Variants in GPR39 observed in about 807,000 individuals in gnomAD.
GPR39 encodes the protein G protein-coupled receptor 39.
In GPR39, 23 loss-of-function variants were observed where a neutral mutation model predicts 18.4. The ratio of observed to expected loss-of-function variants is 1.25; its 90% CI spans 0.90 to 1.77. The LOEUF is 1.77. GPR39 is among the 40% of genes most tolerant of loss of function. The pLI, the probability that GPR39 is intolerant of heterozygous loss-of-function variation, is 0.00. For synonymous variants in GPR39, 280 were observed against 257.9 expected, an observed-to-expected ratio of 1.09 and a Z score of -0.82; for missense variants, 647 against 602.4, an observed-to-expected ratio of 1.07 and a Z score of -0.78.
intron 1 of GPR39, among the ~76,000 whole-genome samples, chr2:132,502,503 C>A (rs1679062796): frequency 6.6e-6 from 1 of 152,092 alleles, no homozygotes; most frequent in African/African-American, 2.4e-5. Flanking sequence ...TCTTAAGATT[C>A]TTTTTCTTGT....
chr2:132,487,020 T>G (rs1419727159), intron 1 of GPR39, among the ~76,000 whole-genome samples: 2 of 152,178 alleles, frequency 1.3e-5, no homozygotes. Flanking sequence ...TAGAGGTCAT[T>G]GTAGCATTAT....
chr2:132,610,684 G>A (rs934463530), intron 1 of GPR39, among the ~76,000 whole-genome samples: 10 of 149,760 alleles, frequency 6.7e-5, no homozygotes, highest in African/African-American at 2.2e-4. Flanking sequence ...GGCTGAGGAA[G>A]GAGAATCACT....
intron 1 of GPR39, among the ~76,000 whole-genome samples, chr2:132,497,424 G>A (rs1466117245): frequency 6.6e-6 from 1 of 152,098 alleles, no homozygotes; most frequent in Non-Finnish European, 1.5e-5. Context: ...GAAAAGGTAT[G>A]GGTAACTGGA....
chr2:132,504,780 A>T (rs1679104450), intron 1 of GPR39, among the ~76,000 whole-genome samples: 1 of 148,330 alleles, frequency 6.7e-6, no homozygotes, highest in Non-Finnish European at 1.5e-5. Context: ...AGTATAATTT[A>T]AAAATATATA....
At chr2:132,633,008 A>T (rs1681678682) in intron 1 of GPR39, among the ~76,000 whole-genome samples, 3 of 152,158 alleles carry the variant, frequency 2.0e-5, no homozygotes, top group Admixed American at 6.5e-5. Context: ...TCCAAATCCT[A>T]GTCCTCACCT....
chr2:132,519,101 C>T (rs1679380821), intron 1 of GPR39, among the ~76,000 whole-genome samples: 1 of 152,208 alleles, frequency 6.6e-6, no homozygotes, highest in South Asian at 2.1e-4. Flanking sequence ...GAAGATACTA[C>T]ATTTTCATCT....
intron 1 of GPR39, among the ~76,000 whole-genome samples, chr2:132,431,384 T>G (rs1415736053): frequency 6.6e-6 from 1 of 152,264 alleles, no homozygotes; most frequent in African/African-American, 2.4e-5. Context: ...ACATATGAGT[T>G]GCATTCATTG....
Position 132,417,412 on chromosome 2 carries a change from C to T in GPR39, c.370C>T (p.Leu124=), listed in dbSNP as rs1421921726. ...CGAGGCCTGCAGCTACGCTACGCTG[C>T]TGCACGTGCTGACACTCAGCTTTGA... ...LFEACSYATL[L]HVLTLSFERY... Residue 124 remains leucine (L), a synonymous_variant, in exon 1 of 2, where the codon CTG becomes TTG. Transcript: ENST00000329321. 1 of 1,614,208 alleles carries T rather than the reference C, an allele frequency of 6.2e-7. No homozygotes were observed. The highest frequency in any genetic ancestry group is 8.5e-7 in the Non-Finnish European group (1 of 1,180,032).
intron 1 of GPR39, among the ~76,000 whole-genome samples, chr2:132,445,560 G>T (rs1302342302): frequency 6.6e-6 from 1 of 152,166 alleles, no homozygotes; most frequent in Non-Finnish European, 1.5e-5. Flanking sequence ...TGTAATTGAT[G>T]TATATAGGAC....
chr2:132,553,817 CA>C lies in GPR39; in HGVS notation c.857-91283del, dbSNP rs955125324. Among the ~76,000 whole-genome samples the C allele has an allele frequency of 6.3e-4, 96 of 152,250 alleles. 1 individual carries two copies. The highest frequency in any genetic ancestry group is 5.8e-3 in the Admixed American group (89 of 15,294). ...AGAAGGCCTCTCTGAAACCCACAAG[CA>C]GATTCTTGACCCAGTGAGCATGAGT... On this transcript the variant is annotated intron_variant, in intron 1 of 1. Transcript: ENST00000329321.
chr2:132,519,623 A>G (rs778361036), intron 1 of GPR39, among the ~76,000 whole-genome samples: 15 of 152,280 alleles, frequency 9.9e-5, no homozygotes, highest in Non-Finnish European at 1.8e-4. Flanking sequence ...AGACCCTTAT[A>G]CACTAATGAA....
At chr2:132,626,082 A>T (rs1681539715) in intron 1 of GPR39, among the ~76,000 whole-genome samples, 1 of 150,992 alleles carries the variant, frequency 6.6e-6, no homozygotes, top group Non-Finnish European at 1.5e-5. Context: ...CCTGGGCGAC[A>T]GAGCGAGACT....
chr2:132,484,923 C>A (rs905470700), intron 1 of GPR39, among the ~76,000 whole-genome samples: 1 of 152,140 alleles, frequency 6.6e-6, no homozygotes, highest in Non-Finnish European at 1.5e-5. Context: ...CACTTGTATC[C>A]AAGACCTCAG....
chr2:132,577,356 AT>A (rs1007814417), intron 1 of GPR39, among the ~76,000 whole-genome samples: 2 of 151,350 alleles, frequency 1.3e-5, no homozygotes, highest in African/African-American at 4.9e-5. Context: ...AAAAAAAAAA[AT>A]TATTCTTGAT....
intron 1 of GPR39, among the ~76,000 whole-genome samples, chr2:132,442,677 G>A (rs757446260): frequency 3.3e-5 from 5 of 152,204 alleles, no homozygotes; most frequent in African/African-American, 1.2e-4. Flanking sequence ...CTTGTCGGAG[G>A]CTTCCTCTCA....
intron 1 of GPR39, among the ~76,000 whole-genome samples, chr2:132,596,120 G>A (rs953320925): frequency 2.0e-5 from 3 of 152,136 alleles, no homozygotes; most frequent in Admixed American, 1.3e-4. Context: ...GTGGCCGATT[G>A]CATGCGGAAG....
At chr2:132,455,736 G>T (rs1292681309) in intron 1 of GPR39, among the ~76,000 whole-genome samples, 1 of 152,040 alleles carries the variant, frequency 6.6e-6, no homozygotes, top group Non-Finnish European at 1.5e-5. Context: ...ATTTTGTTAT[G>T]TACCCAGTAG....
intron 1 of GPR39, among the ~76,000 whole-genome samples, chr2:132,556,168 C>T (rs1680148434): frequency 6.6e-6 from 1 of 152,104 alleles, no homozygotes; most frequent in Admixed American, 6.5e-5. Context: ...AGCTGAGTGC[C>T]CAAACTGTCA....
At chr2:132,617,145 G>T (rs1681351934) in intron 1 of GPR39, among the ~76,000 whole-genome samples, 1 of 151,772 alleles carries the variant, frequency 6.6e-6, no homozygotes, top group African/African-American at 2.4e-5. Context: ...TACTATAAGT[G>T]TTTAATGTCT....
Sources: allele counts gnomAD v4.1 joint callset (sites outside exome capture counted in the v4.1 genomes callset), GRCh38; gene constraint gnomAD v4.1.1; transcripts MANE v1.5; gene names NCBI Gene and HGNC (gene_info 2026-07-23, HGNC 2026-07-21).